DNAJA3: variants seen among roughly 807,000 people sequenced by gnomAD.
The protein encoded by DNAJA3 is DnaJ heat shock protein family (Hsp40) member A3, also known as dnaJ homolog subfamily A member 3, mitochondrial.
DNAJA3 carries 29 observed loss-of-function variants against 54.9 expected under a neutral mutation model. The ratio of observed to expected loss-of-function variants is 0.53; its 90% CI spans 0.39 to 0.72. The LOEUF (loss-of-function observed/expected upper bound fraction) is 0.72, where lower values mean the gene tolerates loss of function less well. DNAJA3 is among the 30% of genes least tolerant of loss of function. The pLI is 0.00. For synonymous variants in DNAJA3, 302 were observed against 251.4 expected, an observed-to-expected ratio of 1.20 and a Z score of -1.90; for missense variants, 708 against 639.4, an observed-to-expected ratio of 1.11 and a Z score of -1.16.
chr16:4,427,556 C>T (rs1259867048), intron 1 of DNAJA3, among the ~76,000 whole-genome samples: 1 of 152,222 alleles, frequency 6.6e-6, no homozygotes, highest in Non-Finnish European at 1.5e-5. Flanking sequence ...TCTGAAAATT[C>T]ATTCATTCAC....
chr16:4,453,283 G>C (rs57525127), intron 10 of DNAJA3, among the ~76,000 whole-genome samples: 283 of 152,088 alleles, frequency 1.9e-3, no homozygotes, highest in African/African-American at 6.5e-3. Context: ...AGCTGACCCC[G>C]GTCTCCCAGA....
In DNAJA3 at chr16:4,454,851, G is replaced by C; in HGVS notation, c.1380G>C (p.Arg460Ser). ...TMDSSAGSKA[R>S]REAGEDEEGF... Reference sequence around the variant, plus strand: ...ATAGCTCCGCAGGAAGCAAGGCTAGGCGTGAGGCTGGGGAGGACGAGGAGG... The same window carrying C: ...ATAGCTCCGCAGGAAGCAAGGCTAGCCGTGAGGCTGGGGAGGACGAGGAGG... The change falls in exon 11 of 12, where the codon AGG becomes AGC. Residue 460 changes from arginine to serine, a missense_variant. Physicochemically the swap from Arg to Ser is moderately radical, Grantham distance 110. Coordinates refer to ENST00000262375, the MANE Select transcript of DNAJA3 (RefSeq NM_005147.6). The C allele has an allele frequency of 6.2e-7, 1 of 1,614,132 alleles. No homozygotes were observed.
intron 3 of DNAJA3, among the ~76,000 whole-genome samples, chr16:4,440,023 C>T (rs1338652951): frequency 6.6e-6 from 1 of 152,070 alleles, no homozygotes; most frequent in Non-Finnish European, 1.5e-5. Flanking sequence ...GCCTCAACCT[C>T]AACCTCCGTG....
At chr16:4,443,811 C>T (rs1191857661) in intron 6 of DNAJA3, among the ~76,000 whole-genome samples, 1 of 152,114 alleles carries the variant, frequency 6.6e-6, no homozygotes, top group East Asian at 1.9e-4. Flanking sequence ...CTCAGCCTCC[C>T]AAGGAGCTGG....
At chr16:4,455,211 C>A (rs1318177036) in intron 11 of DNAJA3, among the ~76,000 whole-genome samples, 1 of 152,144 alleles carries the variant, frequency 6.6e-6, no homozygotes. Flanking sequence ...GTACAGCCCC[C>A]CTGCAGTGGT....
chr16:4,442,709 A>C (rs1418567566), intron 5 of DNAJA3: 1 of 515,156 alleles, frequency 1.9e-6, no homozygotes, highest in Non-Finnish European at 3.4e-6. Context: ...ATTCAAGGGG[A>C]AATAATCTTT....
In DNAJA3 at chr16:4,432,108, GTC is replaced by G. The variant is rs548099995; in HGVS notation, c.212-2266_212-2265del. On this transcript the variant is annotated intron_variant, in intron 1 of 11. Transcript: ENST00000262375. ...TCAAAGTCCTCTTTAGCCTATTTCT[GTC>G]TCTCTCTCTTTTTTTTCCATGTCAT... is the stretch of plus-strand genomic sequence containing the variant. 1.4e-3 allele frequency among the ~76,000 whole-genome samples: 208 copies of G among 150,176 alleles called. 1 individual carries two copies. The highest frequency in any genetic ancestry group is 3.4e-3 in the Middle Eastern group (1 of 294).
intron 10 of DNAJA3, among the ~76,000 whole-genome samples, 157 bp downstream of exon 10, chr16:4,450,654 G>A (rs928898104): frequency 2.0e-5 from 3 of 152,188 alleles, no homozygotes; most frequent in African/African-American, 7.2e-5. Context: ...CGGGGACAGC[G>A]GGCAGGGAGC....
In DNAJA3 at chr16:4,442,685, C is replaced by T. The variant is rs958977836; in HGVS notation, c.783+265C>T. ...GTCACTTTCTTCTTTATTTTTCTAA[C>T]AATTGCTTTGGTAATTCAAGGGGAA... is the stretch of plus-strand genomic sequence containing the variant. On this transcript the variant is annotated intron_variant, in intron 5 of 11. Coordinates refer to ENST00000262375, the MANE Select transcript of DNAJA3 (RefSeq NM_005147.6). The T allele has an allele frequency of 5.7e-6, 3 of 522,512 alleles. No individual in the cohort carries two copies. In the African/African-American group the frequency reaches 5.8e-5, roughly 10 times the overall value. 32.4% of individuals were successfully genotyped at this position (522,512 alleles called of 1,614,324 possible).
rs113445412 is a variant in DNAJA3, at chr16:4,456,034, C to T, written c.*502C>T. 818 of 171,570 alleles carry T rather than the reference C, an allele frequency of 4.8e-3. 2 individuals are homozygous for T. The highest frequency in any genetic ancestry group is 7.4e-3 in the Non-Finnish European group (589 of 79,440). 10.6% of individuals were successfully genotyped at this position (171,570 alleles called of 1,614,324 possible). A position where few individuals can be genotyped will look rare whatever the true frequency, so the allele number is the denominator to read the frequency against. ...GTGGGGCCCCCAGGCCCCACCAGCA[C>T]CGTCCTCCCCTAATGAGGGGCCCTG... On this transcript the variant is annotated 3_prime_UTR_variant, in exon 12 of 12. Coordinates refer to ENST00000262375, the MANE Select transcript of DNAJA3 (RefSeq NM_005147.6).
In DNAJA3 at chr16:4,436,569, C is replaced by T. The variant is rs959477012; in HGVS notation, c.346-833C>T. Among the ~76,000 whole-genome samples, 11 of 152,104 alleles carry T rather than the reference C, an allele frequency of 7.2e-5. No individual in the cohort carries two copies. The East Asian group carries it at 1.2e-3, about 16-fold the overall frequency. On this transcript the variant is annotated intron_variant, in intron 2 of 11. Transcript: ENST00000262375. Reference sequence around the variant, plus strand: ...TTTCTTTTTTCAGACAGAGTCTCGCCGTGTGGCTCAGGCTGGAGTGCAGTG... The same window carrying T: ...TTTCTTTTTTCAGACAGAGTCTCGCTGTGTGGCTCAGGCTGGAGTGCAGTG...
chr16:4,451,787 G>A (rs1413738084), intron 10 of DNAJA3, among the ~76,000 whole-genome samples: 3 of 143,862 alleles, frequency 2.1e-5, no homozygotes, highest in Non-Finnish European at 4.5e-5. Flanking sequence ...AGGGCCTGGC[G>A]CGGTGGCTCA....
At chr16:4,426,608 C>T (rs149375230) in intron 1 of DNAJA3, among the ~76,000 whole-genome samples, 4 of 152,338 alleles carry the variant, frequency 2.6e-5, no homozygotes, top group Admixed American at 1.3e-4. Flanking sequence ...TCATAGTTTA[C>T]GCTCTTTCTA....
chr16:4,455,610 A>G lies in DNAJA3; in HGVS notation c.*78A>G, dbSNP rs1221441221. The G allele has an allele frequency of 7.7e-6, 12 of 1,551,116 alleles. No homozygotes were observed. Among genetic ancestry groups the G allele is most frequent in the Non-Finnish European group, 1.0e-5 (12 of 1,146,446 alleles). On this transcript the variant is annotated 3_prime_UTR_variant, in exon 12 of 12. Coordinates refer to ENST00000262375, the MANE Select transcript of DNAJA3 (RefSeq NM_005147.6). ...CCCTCCAAGGGCCAGGGCACCTGGG[A>G]GACGGGAGGATTCCAGAACAGCAGC...
intron 1 of DNAJA3, chr16:4,431,251 C>A (rs1162770136): frequency 6.6e-6 from 1 of 152,178 alleles, no homozygotes; most frequent in Non-Finnish European, 1.5e-5. Context: ...CTGGGCCGGG[C>A]AACCCCTTAC....
chr16:4,442,882 A>G, intron 5 of DNAJA3, 135 bp from the exon 6 acceptor site: 1 of 943,850 alleles, frequency 1.1e-6, no homozygotes, highest in Non-Finnish European at 1.6e-6. Flanking sequence ...CTGGGTTCCT[A>G]GGCAGTGTGT....
At chr16:4,430,812 G>T (rs151090983) in intron 1 of DNAJA3, 3 of 152,070 alleles carry the variant, frequency 2.0e-5, no homozygotes, top group Non-Finnish European at 4.4e-5. Flanking sequence ...GGTAGGATGA[G>T]GCCGGCGGAT....
At chr16:4,435,554 C>T (rs1015116310) in intron 2 of DNAJA3, among the ~76,000 whole-genome samples, 9 of 152,184 alleles carry the variant, frequency 5.9e-5, no homozygotes, top group Non-Finnish European at 1.0e-4. Context: ...TGCCTATTCT[C>T]AATATTCATA....
chr16:4,433,945 G>T lies in DNAJA3; in HGVS notation c.212-439G>T, dbSNP rs1306164049. ...AGCCTGTGTATTAGTCTGTTCTCAT[G>T]CAGCTAATAAAGACATACCTAAGAC... On this transcript the variant is annotated intron_variant, in intron 1 of 11. Transcript: ENST00000262375. 3 of 208,782 alleles carry T rather than the reference G, an allele frequency of 1.4e-5. No homozygotes were observed. The Admixed American group carries it at 1.7e-4, about 12-fold the overall frequency. 12.9% of individuals were successfully genotyped at this position (208,782 alleles called of 1,614,324 possible).
Sources: allele counts gnomAD v4.1 joint callset (sites outside exome capture counted in the v4.1 genomes callset), GRCh38; gene constraint gnomAD v4.1.1; transcripts MANE v1.5; gene names NCBI Gene and HGNC (gene_info 2026-07-23, HGNC 2026-07-21).